Variants in ADAMTS6 observed in about 807,000 individuals in gnomAD.
The protein encoded by ADAMTS6 is ADAM metallopeptidase with thrombospondin type 1 motif 6, also known as A disintegrin and metalloproteinase with thrombospondin motifs 6.
Under a neutral mutation model 144.3 loss-of-function variants are expected in ADAMTS6, and 23 were observed. The ratio of observed to expected loss-of-function variants is 0.16; its 90% confidence interval spans 0.11 to 0.23. ADAMTS6 has a LOEUF of 0.23. Among genes scored for constraint, ADAMTS6 ranks in the 10% least tolerant of loss-of-function variants. ADAMTS6 has a pLI of 1.00. For synonymous variants in ADAMTS6, 444 were observed against 457.5 expected (o/e 0.97, Z 0.38); for missense variants, 999 against 1,379.6 (o/e 0.72, Z 4.37).
At chr5:65,223,132 G>A (rs538102964) in intron 18 of ADAMTS6, among the ~76,000 whole-genome samples, 189 of 152,200 alleles carry the variant, frequency 1.2e-3, no homozygotes, top group Non-Finnish European at 1.5e-3. Flanking sequence ...CTATATTACT[G>A]ATAGAAATAT....
intron 9 of ADAMTS6, among the ~76,000 whole-genome samples, chr5:65,310,336 A>C (rs942358070): frequency 6.6e-6 from 1 of 152,088 alleles, no homozygotes; most frequent in Non-Finnish European, 1.5e-5. Context: ...GGATGAATAC[A>C]GCAACAAAGT....
chr5:65,281,956 A>C (rs1387447508), intron 11 of ADAMTS6, among the ~76,000 whole-genome samples: 1 of 152,152 alleles, frequency 6.6e-6, no homozygotes, highest in East Asian at 1.9e-4. Flanking sequence ...GGGAAGAGAA[A>C]CTCTTCTATT....
At chr5:65,443,283 GAAT>G (rs1758007628) in intron 7 of ADAMTS6, among the ~76,000 whole-genome samples, 1 of 152,116 alleles carries the variant, frequency 6.6e-6, no homozygotes, top group Non-Finnish European at 1.5e-5. Context: ...TACATTAAAA[GAAT>G]AATACATTGA....
intron 7 of ADAMTS6, among the ~76,000 whole-genome samples, chr5:65,439,250 C>A (rs1414412528): frequency 1.3e-5 from 2 of 151,900 alleles, no homozygotes; most frequent in African/African-American, 2.4e-5. Flanking sequence ...TCACTGGATG[C>A]CAAAATTGGA....
intron 7 of ADAMTS6, among the ~76,000 whole-genome samples, 177 bp from the exon 8 acceptor site, chr5:65,334,262 C>G (rs1747090852): frequency 1.3e-5 from 2 of 152,176 alleles, no homozygotes. Flanking sequence ...ACAGGCAGCA[C>G]TACACTCACA....
At chr5:65,180,502 T>C (rs1199229734) in intron 22 of ADAMTS6, among the ~76,000 whole-genome samples, 1 of 152,120 alleles carries the variant, frequency 6.6e-6, no homozygotes. Context: ...AACTCCAAAA[T>C]CTGTCTCACA....
chr5:65,451,274 A>T (rs747585130), intron 7 of ADAMTS6: 12 of 494,736 alleles, frequency 2.4e-5, no homozygotes, highest in Non-Finnish European at 4.1e-5. Context: ...GTCAAATCTT[A>T]ATATTTTCTT....
chr5:65,475,594 G>A (rs1257735459), intron 1 of ADAMTS6, among the ~76,000 whole-genome samples: 1 of 152,136 alleles, frequency 6.6e-6, no homozygotes, highest in Non-Finnish European at 1.5e-5. Context: ...ATGAATCAAG[G>A]AATGTTTATG....
At chr5:65,458,181 TC>T (rs1169332678) in intron 4 of ADAMTS6, among the ~76,000 whole-genome samples, 3 of 152,340 alleles carry the variant, frequency 2.0e-5, no homozygotes, top group Non-Finnish European at 4.4e-5. Flanking sequence ...GAATTTAATT[TC>T]ATGTTTTAAG....
intron 15 of ADAMTS6, among the ~76,000 whole-genome samples, chr5:65,234,452 C>CT (rs145639535): frequency 0.041 from 5,947 of 146,696 alleles, 419 homozygotes; most frequent in African/African-American, 0.14. Context: ...TGTGAATAGA[C>CT]TTTTTTTTTT....
At chr5:65,292,151 T>C (rs1279159056) in intron 10 of ADAMTS6, among the ~76,000 whole-genome samples, 1 of 152,154 alleles carries the variant, frequency 6.6e-6, no homozygotes, top group Non-Finnish European at 1.5e-5. Flanking sequence ...ATATTTTAAT[T>C]CAGTAGAACA....
chr5:65,329,322 A>G, intron 9 of ADAMTS6, 56 bp downstream of exon 9: 1 of 1,506,584 alleles, frequency 6.6e-7, no homozygotes, highest in Non-Finnish European at 9.2e-7. Context: ...CAGTAGTTAC[A>G]AGTTGCTCAA....
At chr5:65,305,330 A>G (rs923863047) in intron 9 of ADAMTS6, among the ~76,000 whole-genome samples, 4 of 152,200 alleles carry the variant, frequency 2.6e-5, no homozygotes, top group Non-Finnish European at 4.4e-5. Context: ...TTACGAGGAT[A>G]CATAGGGATT....
At chr5:65,271,999 T>C (rs1762094437) in intron 12 of ADAMTS6, among the ~76,000 whole-genome samples, 1 of 152,240 alleles carries the variant, frequency 6.6e-6, no homozygotes, top group Admixed American at 6.5e-5. Context: ...TTCATATATT[T>C]AGCATAATTT....
At chr5:65,438,129 C>G (rs1436421091) in intron 7 of ADAMTS6, among the ~76,000 whole-genome samples, 1 of 152,206 alleles carries the variant, frequency 6.6e-6, no homozygotes, top group Non-Finnish European at 1.5e-5. Flanking sequence ...CCTCTCAACA[C>G]AAAACCTATT....
intron 7 of ADAMTS6, among the ~76,000 whole-genome samples, chr5:65,347,495 T>C (rs1001742393): frequency 6.6e-6 from 1 of 151,728 alleles, no homozygotes; most frequent in Admixed American, 6.6e-5. Context: ...TATACAAAAA[T>C]CAACTCAAAA....
intron 22 of ADAMTS6, 86 bp downstream of exon 22, chr5:65,187,930 T>C (rs1296699359): frequency 2.3e-6 from 3 of 1,327,688 alleles, no homozygotes; most frequent in Admixed American, 3.6e-5. Flanking sequence ...AGTTCTAAGA[T>C]GTTCAGGTGT....
chr5:65,196,123 T>C (rs1393851787), intron 21 of ADAMTS6, among the ~76,000 whole-genome samples: 1 of 152,150 alleles, frequency 6.6e-6, no homozygotes, highest in Non-Finnish European at 1.5e-5. Context: ...GAAGTATACC[T>C]CTATGCCTGT....
intron 10 of ADAMTS6, among the ~76,000 whole-genome samples, chr5:65,296,161 C>T (rs939138548): frequency 6.6e-6 from 1 of 152,044 alleles, no homozygotes; most frequent in Non-Finnish European, 1.5e-5. Context: ...AGTCTCTTAA[C>T]AACAACAACA....
Sources: gnomAD v4.1 joint callset for allele counts (sites outside exome capture counted in the v4.1 genomes callset) on GRCh38, gnomAD v4.1.1 for gene constraint, MANE v1.5 for transcripts, NCBI Gene and HGNC (gene_info 2026-07-23, HGNC 2026-07-21) for gene names.